The following UBA6 variants were observed in gnomAD, a reference collection of about 807,000 sequenced individuals.
The protein encoded by UBA6 is ubiquitin-like modifier-activating enzyme 6.
A neutral mutation model predicts 148.3 loss-of-function variants in UBA6; 87 were observed. That is an observed-to-expected ratio of 0.59 (90% CI 0.49 to 0.70). The LOEUF is 0.70. Ranked by LOEUF, UBA6 falls within the 30% of genes least tolerant of loss-of-function variation. The probability of loss-of-function intolerance (pLI) is 0.00; values close to 1 mark genes in which losing one functional copy is unlikely to be tolerated. For missense variants in UBA6, 1,186 were observed against 1,241.2 expected, an observed-to-expected ratio of 0.96 and a Z score of 0.67; for synonymous variants, 376 against 401.0, an observed-to-expected ratio of 0.94 and a Z score of 0.75.
chr4:67,691,570 C>A (rs1352343293), intron 2 of UBA6, among the ~76,000 whole-genome samples: 2 of 152,154 alleles, frequency 1.3e-5, no homozygotes, highest in Admixed American at 6.5e-5. Context: ...GAGATTCTTG[C>A]ATATTTTTTC....
At chr4:67,662,113 T>C in intron 13 of UBA6, 76 bp downstream of exon 13, 1 of 1,404,776 alleles carries the variant, frequency 7.1e-7, no homozygotes, top group Non-Finnish European at 1.0e-6. Context: ...ATGTGAAGGA[T>C]AAGAGAATAC....
chr4:67,662,370 C>T, intron 12 of UBA6, 115 bp from the exon 13 acceptor site: 1 of 780,246 alleles, frequency 1.3e-6, no homozygotes, highest in East Asian at 2.6e-5. Flanking sequence ...TTTTTGCCAA[C>T]AGGTAGCACA....
At chr4:67,625,396 TA>T (rs397878989) in intron 28 of UBA6, among the ~76,000 whole-genome samples, 3,524 of 141,090 alleles carry the variant, frequency 0.025, 121 homozygotes, top group African/African-American at 0.082. Flanking sequence ...TTTTTTTAAT[TA>T]AAAAAAAAAA....
intron 18 of UBA6, 109 bp from the exon 19 acceptor site, chr4:67,639,233 T>C (rs3806809): frequency 0.31 from 260,605 of 831,530 alleles, 44,697 homozygotes; most frequent in South Asian, 0.35. Flanking sequence ...TCATAGTCCA[T>C]ACATATATAA....
intron 10 of UBA6, 50 bp from the exon 11 acceptor site, chr4:67,663,997 G>T (rs1326503494): frequency 2.1e-6 from 3 of 1,435,296 alleles, no homozygotes; most frequent in African/African-American, 2.8e-5. Context: ...GTGATTATTT[G>T]ACAAAATATA....
chr4:67,698,768 T>C lies in UBA6; in HGVS notation c.72-2061A>G, dbSNP rs1470641115. The stretch of plus-strand genomic sequence containing the variant: ...TGAAGTCAGGAGTTCGAGACCAGCC[T>C]GACCAACGTGGTGAAACCCTGTCTC... On this transcript the variant is annotated intron_variant, in intron 1 of 32. Coordinates refer to ENST00000322244, the MANE Select transcript of UBA6 (RefSeq NM_018227.6). Among the ~76,000 whole-genome samples, 6 of 152,328 alleles carry C rather than the reference T, an allele frequency of 3.9e-5. No homozygotes were observed. The East Asian group carries it at 9.6e-4, about 24-fold the overall frequency.
intron 17 of UBA6, among the ~76,000 whole-genome samples, chr4:67,642,408 A>T (rs1017132457): frequency 6.6e-6 from 1 of 152,096 alleles, no homozygotes; most frequent in Non-Finnish European, 1.5e-5. Context: ...TTTCCATGAG[A>T]TCAGTTACAC....
At chr4:67,672,604 C>G (rs1228694415) in intron 7 of UBA6, among the ~76,000 whole-genome samples, 2 of 152,084 alleles carry the variant, frequency 1.3e-5, no homozygotes, top group Non-Finnish European at 2.9e-5. Flanking sequence ...ACGTATGGCC[C>G]CCAACCTACT....
chr4:67,693,223 T>G (rs1411256908), intron 2 of UBA6, among the ~76,000 whole-genome samples: 1 of 152,100 alleles, frequency 6.6e-6, no homozygotes, highest in Non-Finnish European at 1.5e-5. Flanking sequence ...GATGAAGACC[T>G]TTATGATAAT....
At chr4:67,658,908 T>A (rs1222711140) in intron 13 of UBA6, among the ~76,000 whole-genome samples, 1 of 152,186 alleles carries the variant, frequency 6.6e-6, no homozygotes, top group Non-Finnish European at 1.5e-5. Context: ...CGGAATGGTT[T>A]ACATTTGATT....
chr4:67,652,329 A>G (rs1029231763), intron 13 of UBA6, among the ~76,000 whole-genome samples: 2 of 152,258 alleles, frequency 1.3e-5, no homozygotes, highest in Admixed American at 1.3e-4. Flanking sequence ...GCAAATAAGC[A>G]TATTAAAAGA....
chr4:67,657,826 C>CAAAAAAAAAAAAAAA (rs57984969), intron 13 of UBA6, among the ~76,000 whole-genome samples: 4 of 115,120 alleles, frequency 3.5e-5, no homozygotes, highest in Non-Finnish European at 6.9e-5. Flanking sequence ...AACAAATTTA[C>CAAAAAAAAAAAAAAA]AAAAAAAAAA....
chr4:67,624,825 C>T (rs905212515), intron 29 of UBA6, among the ~76,000 whole-genome samples, 169 bp downstream of exon 29: 3 of 151,968 alleles, frequency 2.0e-5, no homozygotes, highest in African/African-American at 7.2e-5. Context: ...TAATACTTCA[C>T]AATACAGATG....
chr4:67,662,830 AAAGTT>A, intron 12 of UBA6: 2 of 222,324 alleles, frequency 9.0e-6, no homozygotes, highest in Non-Finnish European at 1.8e-5. Flanking sequence ...AACAGGATAT[AAAGTT>A]AAAAAAAAAA....
chr4:67,669,453 T>G (rs926618020), intron 8 of UBA6, among the ~76,000 whole-genome samples: 3 of 152,166 alleles, frequency 2.0e-5, no homozygotes, highest in African/African-American at 7.2e-5. Context: ...AAGACAGAAG[T>G]ACAAATTACA....
chr4:67,694,470 C>T (rs901412651), intron 2 of UBA6, among the ~76,000 whole-genome samples: 8 of 151,490 alleles, frequency 5.3e-5, no homozygotes, highest in African/African-American at 1.9e-4. Flanking sequence ...CAGCTCACTG[C>T]AAGCTCTGCC....
chr4:67,642,790 T>C (rs1265437002), intron 17 of UBA6, among the ~76,000 whole-genome samples: 2 of 152,064 alleles, frequency 1.3e-5, no homozygotes, highest in Non-Finnish European at 2.9e-5. Context: ...TCTTTAACTC[T>C]GGGAACTTTT....
chr4:67,617,437 TTC>T lies in UBA6; in HGVS notation c.*1558_*1559del, dbSNP rs1401198164. Reference sequence around the variant, plus strand: ...GTAGGATATGTGAACAAAATTTAATTTCTTTTTTCCAAAGGTAGTCATTTTCT... The same window carrying T: ...GTAGGATATGTGAACAAAATTTAATTTTTTTTCCAAAGGTAGTCATTTTCT... On this transcript the variant is annotated 3_prime_UTR_variant, in exon 33 of 33. Coordinates refer to ENST00000322244, the MANE Select transcript of UBA6 (RefSeq NM_018227.6). The T allele has an allele frequency of 6.6e-6, 1 of 152,114 alleles. No homozygotes were observed. Among genetic ancestry groups the T allele is most frequent in the Non-Finnish European group, 1.5e-5 (1 of 67,954 alleles). 9.4% of individuals were successfully genotyped at this position (152,114 alleles called of 1,614,324 possible). A position where few individuals can be genotyped will look rare whatever the true frequency, so the allele number is the denominator to read the frequency against.
At chr4:67,634,543 G>C (rs1434805129) in intron 20 of UBA6, 25 bp from the exon 21 acceptor site, 1 of 1,498,192 alleles carries the variant, frequency 6.7e-7, no homozygotes, top group Non-Finnish European at 8.9e-7. Context: ...ATGACAACAG[G>C]TACTTAAGGG....
Sources: gnomAD v4.1 joint callset for allele counts (sites outside exome capture counted in the v4.1 genomes callset) on GRCh38, gnomAD v4.1.1 for gene constraint, MANE v1.5 for transcripts, NCBI Gene and HGNC (gene_info 2026-07-23, HGNC 2026-07-21) for gene names.